Variants in SRP72 observed in about 807,000 individuals in gnomAD.
SRP72 encodes the protein signal recognition particle subunit SRP72.
In SRP72, 49 loss-of-function variants were observed where a neutral mutation model predicts 96.3. The ratio of observed to expected loss-of-function variants is 0.51; its 90% CI spans 0.40 to 0.65. The LOEUF is 0.65. Among genes scored for constraint, SRP72 ranks in the 30% least tolerant of loss-of-function variants. SRP72 has a pLI of 0.00. For synonymous variants in SRP72, 267 were observed against 275.2 expected, an observed-to-expected ratio of 0.97 and a Z score of 0.30; for missense variants, 736 against 793.3, an observed-to-expected ratio of 0.93 and a Z score of 0.87.
intron 8 of SRP72, among the ~76,000 whole-genome samples, chr4:56,479,523 T>C (rs560475615): frequency 4.0e-5 from 6 of 149,656 alleles, no homozygotes; most frequent in Admixed American, 2.6e-4. Flanking sequence ...TTCTTTCTTT[T>C]TTTTTTTTTT....
At chr4:56,488,069 TAATGTGTATTCACTTTATTTATATGTCG>T (rs1305585498) in intron 12 of SRP72, 56 bp downstream of exon 12, 1 of 1,201,608 alleles carries the variant, frequency 8.3e-7, no homozygotes, top group Admixed American at 2.2e-5. Flanking sequence ...TTTGTATGTC[TAATGTGTATTCACTTTATTTATATGTCG>T]AATGTGTATT....
chr4:56,470,626 T>C (rs546436941), intron 2 of SRP72, among the ~76,000 whole-genome samples: 32 of 152,280 alleles, frequency 2.1e-4, no homozygotes, highest in Non-Finnish European at 4.4e-4. Context: ...TGTATCTCTT[T>C]TTCTTTTTAT....
At chr4:56,480,645 ATACACTGAACTTTCTT>A (rs1720446578) in intron 8 of SRP72, among the ~76,000 whole-genome samples, 1 of 152,216 alleles carries the variant, frequency 6.6e-6, no homozygotes, top group Non-Finnish European at 1.5e-5. Context: ...AACATAACTT[ATACACTGAACTTTCTT>A]TAGTCAGTGG....
chr4:56,485,828 G>C (rs1410952020), intron 10 of SRP72, among the ~76,000 whole-genome samples: 1 of 151,918 alleles, frequency 6.6e-6, no homozygotes, highest in Non-Finnish European at 1.5e-5. Context: ...TTTGAGGTTG[G>C]AAATGTATGA....
At chr4:56,498,121 A>AT (rs1158648776) in intron 17 of SRP72, among the ~76,000 whole-genome samples, 1 of 152,016 alleles carries the variant, frequency 6.6e-6, no homozygotes, top group Non-Finnish European at 1.5e-5. Context: ...AGATTTTAAC[A>AT]TTTTTTTATA....
rs747808351 is a variant in SRP72, at chr4:56,490,333, C to T, written c.1321C>T (p.Pro441Ser). The T allele has an allele frequency of 4.4e-6, 7 of 1,604,788 alleles. No individual in the cohort carries two copies. The Admixed American group carries it at 7.0e-5, about 16-fold the overall frequency. ...QAIQWYQNHQ[P>S]KSPAHLSLIR... Reference sequence around the variant, plus strand: ...TTTTTTCTTTTTATTGAAACTGTAGCCAAAATCTCCTGCTCATTTGTCCTT... The same window carrying T: ...TTTTTTCTTTTTATTGAAACTGTAGTCAAAATCTCCTGCTCATTTGTCCTT... Residue 441 changes from proline (P) to serine (S), a missense_variant and splice_region_variant, in exon 14 of 19, where the codon CCA becomes TCA. This residue lies in a region of SRP72 where 388 missense variants were observed against 431.8 expected (regional missense o/e 0.90). Transcript: ENST00000642900.
intron 2 of SRP72, among the ~76,000 whole-genome samples, chr4:56,470,950 C>T (rs936137168): frequency 6.6e-6 from 1 of 151,510 alleles, no homozygotes; most frequent in Non-Finnish European, 1.5e-5. Context: ...TACAGATGTG[C>T]ACCACCACGC....
chr4:56,480,144 A>G (rs1720423941), intron 8 of SRP72, among the ~76,000 whole-genome samples: 1 of 152,198 alleles, frequency 6.6e-6, no homozygotes, highest in Non-Finnish European at 1.5e-5. Flanking sequence ...GGTAGTAATC[A>G]TGGGAGGTTG....
In SRP72 at chr4:56,491,434, TAGTA is replaced by T. The variant is rs1190936335; in HGVS notation, c.1508_1511del (p.Ser503AsnfsTer11). On this transcript the variant is annotated frameshift_variant, in exon 16 of 19. Coordinates refer to ENST00000642900, the MANE Select transcript of SRP72 (RefSeq NM_006947.4). LOFTEE classifies it high-confidence loss of function. ...CTGAACTCCTGTTCTATCACAGTCT[TAGTA>T]AACACTTGCCATCGTCAGATAGTAT... The T allele has an allele frequency of 6.2e-7, 1 of 1,613,660 alleles. No homozygotes were observed. Among genetic ancestry groups the T allele is most frequent in the South Asian group, 1.1e-5 (1 of 91,024 alleles).
At chr4:56,500,284 G>T (rs1324907657) in intron 17 of SRP72, among the ~76,000 whole-genome samples, 1 of 152,056 alleles carries the variant, frequency 6.6e-6, no homozygotes, top group Non-Finnish European at 1.5e-5. Flanking sequence ...GTTGATGGGT[G>T]CAGCAAACCA....
chr4:56,486,271 A>G, intron 10 of SRP72, 54 bp from the exon 11 acceptor site: 1 of 1,330,986 alleles, frequency 7.5e-7, no homozygotes, highest in Non-Finnish European at 1.1e-6. Flanking sequence ...TAATGTATAC[A>G]ATTAGTTGTG....
At position 56,502,499 on chromosome 4, in the gene SRP72, A is replaced by T. The variant is rs570414091; in HGVS notation, c.*638A>T. ...TATATATATGTATATATATATACAT[A>T]TATATATATATATAAACATGAAATA... On this transcript the variant is annotated 3_prime_UTR_variant, in exon 19 of 19. Transcript: ENST00000642900. 4 of 122,518 alleles carry T rather than the reference A, an allele frequency of 3.3e-5. No homozygotes were observed. The highest frequency in any genetic ancestry group is 2.7e-4 in the South Asian group (1 of 3,732). The allele number at this position is 122,518 out of a possible 1,614,324, so 7.6% of individuals were successfully genotyped here. A position where few individuals can be genotyped will look rare whatever the true frequency, so the allele number is the denominator to read the frequency against.
In SRP72 at chr4:56,482,039, C is replaced by T. The variant is rs113096967; in HGVS notation, c.826-1100C>T. ...TCTGCCTTCCAAAGTGCTGGGATTA[C>T]AGGCGTGAGCCACTGTGCCTGGCCA... On this transcript the variant is annotated intron_variant, in intron 8 of 18. Transcript: ENST00000642900. Among the ~76,000 whole-genome samples, 274 of 151,584 alleles carry T rather than the reference C, an allele frequency of 1.8e-3. 10 individuals are homozygous for T. The South Asian group carries it at 0.039, about 22-fold the overall frequency.
chr4:56,475,561 C>CGAAAA (rs1491495401), intron 5 of SRP72: 8 of 103,306 alleles, frequency 7.7e-5, no homozygotes, highest in African/African-American at 2.7e-4. Flanking sequence ...GACGCTGTCT[C>CGAAAA]AAAAAAAAAA....
At position 56,500,614 on chromosome 4, in the gene SRP72, A is replaced by G; in HGVS notation, c.1757A>G (p.Tyr586Cys). Residue 586 changes from tyrosine to cysteine, a missense_variant, in exon 18 of 19, where the codon TAC (tyrosine) becomes TGC (cysteine). This residue lies in a region of SRP72 where 388 missense variants were observed against 431.8 expected (regional missense o/e 0.90). Transcript: ENST00000642900. ...RWLPMRERSY[Y>C]RGRKKGKKKD... ...CTGCCAATGCGAGAACGTTCTTACT[A>G]CCGGGGAAGAAAGAAGGGTAAAAAG... 6.2e-7 allele frequency: 1 copy of G among 1,613,966 alleles called. No homozygotes were observed. The highest frequency in any genetic ancestry group is 2.2e-5 in the East Asian group (1 of 44,876).
At chr4:56,478,828 G>T (rs1465997231) in intron 8 of SRP72, among the ~76,000 whole-genome samples, 179 bp downstream of exon 8, 1 of 152,078 alleles carries the variant, frequency 6.6e-6, no homozygotes, top group African/African-American at 2.4e-5. Flanking sequence ...ATGCTGCAAG[G>T]TATACTCAAG....
chr4:56,476,579 C>T lies in SRP72; in HGVS notation c.611-92C>T. 1.5e-6 allele frequency: 2 copies of T among 1,345,594 alleles called. 1 individual carries two copies. The allele number at this position is 1,345,594 out of a possible 1,614,324, so 83.4% of individuals were successfully genotyped here. ...GTTACTACGATTATCTTGGAATCTT[C>T]TGCTTAGGAATTTAGATCTTGCTCT... On this transcript the variant is annotated intron_variant, in intron 5 of 18. Coordinates refer to ENST00000642900, the MANE Select transcript of SRP72 (RefSeq NM_006947.4).
At chr4:56,488,848 G>A (rs1359283797) in intron 12 of SRP72, among the ~76,000 whole-genome samples, 1 of 151,788 alleles carries the variant, frequency 6.6e-6, no homozygotes, top group Non-Finnish European at 1.5e-5. Flanking sequence ...CAGTTTTACT[G>A]ATTGTTCTTA....
Position 56,467,742 on chromosome 4 carries a change from A to C in SRP72, c.107A>C (p.Lys36Thr). Residue 36 changes from lysine (K) to threonine (T), a missense_variant and splice_region_variant, in exon 1 of 19, where the codon AAG (lysine) becomes ACG (threonine). Coordinates refer to ENST00000642900, the MANE Select transcript of SRP72 (RefSeq NM_006947.4). The stretch of plus-strand genomic sequence containing the variant: ...ACGCGCGCTCTCAAGACCGTCAATA[A>C]GAGTAAGTGTCGGGGTGGGCACTGG... ...DFTRALKTVNKILQINKDDVT... is the reference protein window; with the variant it reads ...DFTRALKTVNTILQINKDDVT... 1 of 1,442,404 alleles carries C rather than the reference A, an allele frequency of 6.9e-7. No individual in the cohort carries two copies. The highest frequency in any genetic ancestry group is 2.8e-5 in the East Asian group (1 of 35,374). The allele number at this position is 1,442,404 out of a possible 1,614,324, so 89.4% of individuals were successfully genotyped here.
Sources: gnomAD v4.1 joint callset for allele counts (sites outside exome capture counted in the v4.1 genomes callset) on GRCh38, gnomAD v4.1.1 for gene constraint, gnomAD v4.1.1 regional missense constraint, MANE v1.5 for transcripts, NCBI Gene and HGNC (gene_info 2026-07-23, HGNC 2026-07-21) for gene names.